Variants in ADCY10 observed in about 807,000 individuals in gnomAD.
ADCY10 encodes the protein adenylate cyclase type 10.
ADCY10 carries 156 observed loss-of-function variants against 183.3 expected under a neutral mutation model. The observed-to-expected ratio is 0.85, with a 90% CI of 0.75 to 0.97. ADCY10 has a LOEUF of 0.97. ADCY10 is among the 50% of genes least tolerant of loss of function. ADCY10 has a pLI of 0.00. For synonymous variants in ADCY10, 645 were observed against 670.0 expected (o/e 0.96, Z 0.58); for missense variants, 1,745 against 1,934.3 (o/e 0.90, Z 1.84).
chr1:167,881,187 A>G (rs1192250888), intron 9 of ADCY10, among the ~76,000 whole-genome samples: 1 of 152,240 alleles, frequency 6.6e-6, no homozygotes, highest in African/African-American at 2.4e-5. Context: ...ATAAAGGCTT[A>G]GGCTGTAAGT....
intron 11 of ADCY10, among the ~76,000 whole-genome samples, 187 bp from the exon 12 acceptor site, chr1:167,878,822 G>A (rs573763245): frequency 6.6e-6 from 1 of 152,226 alleles, no homozygotes; most frequent in African/African-American, 2.4e-5. Flanking sequence ...CAGGGAGTTA[G>A]TTAGCCATTA....
chr1:167,894,430 C>T (rs1420627497), intron 7 of ADCY10, among the ~76,000 whole-genome samples: 1 of 152,062 alleles, frequency 6.6e-6, no homozygotes, highest in Non-Finnish European at 1.5e-5. Context: ...CTCCTATTTC[C>T]TCACCTGGGA....
intron 31 of ADCY10, among the ~76,000 whole-genome samples, chr1:167,816,783 TA>T (rs79604685): frequency 0.2 from 30,251 of 152,090 alleles, 3,617 homozygotes; most frequent in Admixed American, 0.26. Context: ...TTGTTGCTAA[TA>T]GCTCTGACTT....
At chr1:167,880,228 T>G in intron 10 of ADCY10, 37 bp from the exon 11 acceptor site, 2 of 1,555,934 alleles carry the variant, frequency 1.3e-6, no homozygotes, top group Non-Finnish European at 1.8e-6. Flanking sequence ...GGGAAAGAAA[T>G]AAAGATAATG....
At chr1:167,895,312 C>CA (rs1193839274) in intron 7 of ADCY10, among the ~76,000 whole-genome samples, 1 of 152,082 alleles carries the variant, frequency 6.6e-6, no homozygotes, top group Non-Finnish European at 1.5e-5. Context: ...TGGGTAATGT[C>CA]ATGAGGCTTT....
intron 13 of ADCY10, among the ~76,000 whole-genome samples, chr1:167,874,396 A>G (rs1243091646): frequency 6.6e-6 from 1 of 152,164 alleles, no homozygotes; most frequent in African/African-American, 2.4e-5. Flanking sequence ...GCTCAACCAC[A>G]TCAGGGAAAT....
chr1:167,843,973 T>C lies in ADCY10; in HGVS notation c.3007+1590A>G, dbSNP rs111370980. Among the ~76,000 whole-genome samples the C allele has an allele frequency of 6.3e-3, 796 of 126,676 alleles. 7 individuals are homozygous for C. The highest frequency in any genetic ancestry group is 0.025 in the African/African-American group (755 of 29,674). 83.1% of individuals were successfully genotyped at this position (126,676 alleles called of 152,430 possible). A position where few individuals can be genotyped will look rare whatever the true frequency, so the allele number is the denominator to read the frequency against. On this transcript the variant is annotated intron_variant, in intron 21 of 32. Transcript: ENST00000367851. Reference sequence around the variant, plus strand: ...CTGGGCGAAGGATCCAAGATTATAATTGATTCTCAGCTATTTCTTTTGTAA... The same window carrying C: ...CTGGGCGAAGGATCCAAGATTATAACTGATTCTCAGCTATTTCTTTTGTAA...
chr1:167,859,220 T>G (rs1163029873), intron 16 of ADCY10, among the ~76,000 whole-genome samples: 1 of 152,144 alleles, frequency 6.6e-6, no homozygotes, highest in Admixed American at 6.5e-5. Flanking sequence ...ATAAGAGAGG[T>G]GGGGACTGAA....
intron 8 of ADCY10, among the ~76,000 whole-genome samples, chr1:167,884,887 G>A (rs567412553): frequency 3.3e-5 from 5 of 151,928 alleles, no homozygotes; most frequent in Non-Finnish European, 7.4e-5. Flanking sequence ...TAGTAGAGAC[G>A]GGGTTTCACT....
rs58787930 is a variant in ADCY10, at chr1:167,870,638, C to CAAAA, written c.1463-232_1463-229dup. ...TGAAACCCTGCCTCTACTGAAAATACAAAAAAAAAAAAAAAAAAAAATTAG... is the reference window on the plus strand; with the variant it reads ...TGAAACCCTGCCTCTACTGAAAATACAAAAAAAAAAAAAAAAAAAAAAAAATTAG... On this transcript the variant is annotated intron_variant, in intron 13 of 32. Coordinates refer to ENST00000367851, the MANE Select transcript of ADCY10 (RefSeq NM_018417.6). Among the ~76,000 whole-genome samples, 106 of 93,734 alleles carry CAAAA rather than the reference C, an allele frequency of 1.1e-3. 1 individual carries two copies. Among genetic ancestry groups the CAAAA allele is most frequent in the African/African-American group, 4.2e-3 (98 of 23,372 alleles). The allele number at this position is 93,734 out of a possible 152,430, so 61.5% of individuals were successfully genotyped here. A position where few individuals can be genotyped will look rare whatever the true frequency, so the allele number is the denominator to read the frequency against.
Position 167,845,685 on chromosome 1 carries a change from T to C in ADCY10, c.2885A>G (p.His962Arg), listed in dbSNP as rs766888529. 4 of 1,614,142 alleles carry C rather than the reference T, an allele frequency of 2.5e-6. No individual in the cohort carries two copies. In the African/African-American group the frequency reaches 5.3e-5, roughly 22 times the overall value. ...KCARFLEEDA[H>R]RCDHCRGRDF... is the part of the protein sequence containing the mutation. The stretch of plus-strand genomic sequence containing the variant: ...CCTGCCTCGGCAGTGGTCACATCTG[T>C]GGGCATCTTCTTCTAAAAAGCGGGC... Residue 962 changes from histidine (H) to arginine (R), a missense_variant, in exon 21 of 33, where the codon CAC (histidine) becomes CGC (arginine). By Grantham distance (29) the His-to-Arg change is conservative (BLOSUM62 0). Coordinates refer to ENST00000367851, the MANE Select transcript of ADCY10 (RefSeq NM_018417.6).
rs189997146 is a variant in ADCY10 at position 167,908,091 on chromosome 1, C to G, written c.-58-2893G>C. On this transcript the variant is annotated intron_variant, in intron 1 of 32. Transcript: ENST00000367851. ...TACCCAAAGGAATTGAAATCAGTAT[C>G]CCTGCACTCCCATGTTTATTTCAGC... Among the ~76,000 whole-genome samples, 16 of 152,278 alleles carry G rather than the reference C, an allele frequency of 1.1e-4. No individual in the cohort carries two copies. The East Asian group carries it at 1.7e-3, about 17-fold the overall frequency.
chr1:167,834,247 A>G (rs1332567769), intron 23 of ADCY10, among the ~76,000 whole-genome samples, 170 bp from the exon 24 acceptor site: 3 of 152,236 alleles, frequency 2.0e-5, no homozygotes, highest in African/African-American at 7.2e-5. Flanking sequence ...AATTCCAGAC[A>G]GGAGCTGATG....
chr1:167,895,137 G>A (rs569713468), intron 7 of ADCY10, among the ~76,000 whole-genome samples: 2 of 149,986 alleles, frequency 1.3e-5, no homozygotes, highest in South Asian at 4.2e-4. Context: ...AGCCCATATC[G>A]CGCCAGTGCA....
intron 16 of ADCY10, among the ~76,000 whole-genome samples, chr1:167,857,692 CACTTAATCCTCACA>C (rs1666006055): frequency 6.6e-6 from 1 of 152,194 alleles, no homozygotes. Context: ...ATAATTAACT[CACTTAATCCTCACA>C]ACATCCATAT....
At position 167,862,442 on chromosome 1, in the gene ADCY10, C is replaced by A. The variant is rs569770426; in HGVS notation, c.1617-1379G>T. Among the ~76,000 whole-genome samples the A allele has an allele frequency of 4.6e-5, 7 of 152,124 alleles. No individual in the cohort carries two copies. The South Asian group carries it at 1.5e-3, about 32-fold the overall frequency. On this transcript the variant is annotated intron_variant, in intron 14 of 32. Coordinates refer to ENST00000367851, the MANE Select transcript of ADCY10 (RefSeq NM_018417.6). ...CTTCTACAAGCCATCTTTGGAACAC[C>A]AAAGATGGCCAGCAACCACCAGAAG...
At chr1:167,880,713 A>T (rs376059010) in intron 9 of ADCY10, 104 bp from the exon 10 acceptor site, 1 of 787,078 alleles carries the variant, frequency 1.3e-6, no homozygotes, top group South Asian at 1.4e-5. Flanking sequence ...TGGCTTCTGA[A>T]TCAGATTTTA....
chr1:167,885,812 C>T (rs1406588240), intron 8 of ADCY10, among the ~76,000 whole-genome samples: 1 of 152,108 alleles, frequency 6.6e-6, no homozygotes, highest in Admixed American at 6.5e-5. Context: ...GACGGGGTTT[C>T]ACCATGTTGG....
At chr1:167,879,324 A>C (rs1667714408) in intron 11 of ADCY10, among the ~76,000 whole-genome samples, 1 of 152,220 alleles carries the variant, frequency 6.6e-6, no homozygotes. Flanking sequence ...TTTCAACAGC[A>C]GCTGGCTGCT....
Sources: gnomAD v4.1 joint callset for allele counts (sites outside exome capture counted in the v4.1 genomes callset) on GRCh38, gnomAD v4.1.1 for gene constraint, MANE v1.5 for transcripts, NCBI Gene and HGNC (gene_info 2026-07-23, HGNC 2026-07-21) for gene names.